SH3PXD2B: variants seen among roughly 807,000 people sequenced by gnomAD.
SH3PXD2B encodes the protein SH3 and PX domains 2B.
A neutral mutation model predicts 73.1 loss-of-function variants in SH3PXD2B; 37 were observed. The ratio of observed to expected loss-of-function variants is 0.51; its 90% confidence interval spans 0.39 to 0.67. SH3PXD2B has a LOEUF of 0.67. Ranked by LOEUF, SH3PXD2B falls within the 30% of genes least tolerant of loss-of-function variation. The pLI is 0.00. For synonymous variants in SH3PXD2B, 457 were observed against 480.5 expected (o/e 0.95, Z 0.64); for missense variants, 1,053 against 1,197.8 (o/e 0.88, Z 1.78).
At chr5:172,351,007 G>A (rs1055439233) in intron 9 of SH3PXD2B, among the ~76,000 whole-genome samples, 4 of 152,230 alleles carry the variant, frequency 2.6e-5, no homozygotes, top group African/African-American at 7.2e-5. Flanking sequence ...TGAGGGCTGG[G>A]TCCAGGGCTC....
At chr5:172,329,639 G>T (rs1201682352), downstream of SH3PXD2B, among the ~76,000 whole-genome samples, 1 of 150,728 alleles carries the variant, frequency 6.6e-6, no homozygotes, top group Non-Finnish European at 1.5e-5. Context: ...CCGGGTTCAA[G>T]CAATTCTCCT....
chr5:172,371,971 A>G (rs573977625), intron 6 of SH3PXD2B, among the ~76,000 whole-genome samples: 27 of 152,282 alleles, frequency 1.8e-4, no homozygotes, highest in African/African-American at 6.0e-4. Context: ...TACCTATTAA[A>G]CTAGAAAGAG....
Position 172,454,397 on chromosome 5 carries a change from C to A in SH3PXD2B, c.-45G>T. Reference sequence around the variant, plus strand: ...GCGGGCCGAGCGCGGGTGCGGGTGGCGCGGGGTGCAGGGAGCGCTGGGGGC... The same window carrying A: ...GCGGGCCGAGCGCGGGTGCGGGTGGAGCGGGGTGCAGGGAGCGCTGGGGGC... On this transcript the variant is annotated 5_prime_UTR_variant, in exon 1 of 13. Coordinates refer to ENST00000311601, the MANE Select transcript of SH3PXD2B (RefSeq NM_001017995.3). 1.5e-6 allele frequency: 2 copies of A among 1,295,750 alleles called. No homozygotes were observed. The highest frequency in any genetic ancestry group is 2.0e-6 in the Non-Finnish European group (2 of 1,015,264). The allele number at this position is 1,295,750 out of a possible 1,614,324, so 80.3% of individuals were successfully genotyped here. A position where few individuals can be genotyped will look rare whatever the true frequency, so the allele number is the denominator to read the frequency against.
At chr5:172,343,799 C>A (rs911949183) in intron 12 of SH3PXD2B, among the ~76,000 whole-genome samples, 1 of 150,566 alleles carries the variant, frequency 6.6e-6, no homozygotes, top group Admixed American at 6.6e-5. Flanking sequence ...AGCAAGATTC[C>A]GTCTCAAAGA....
rs1463264024 is a variant in SH3PXD2B at position 172,338,352 on chromosome 5, G to A, written c.*17C>T. On this transcript the variant is annotated 3_prime_UTR_variant, in exon 13 of 13. Transcript: ENST00000311601. The surrounding 1 kb of genome is among the most constrained non-coding windows in gnomAD (Gnocchi z 5.1). ...CCAGCAAGGACCAGCGGGCCCTCTA[G>A]GCAGAAAGGGAGTCGGCTACGGCTT... is the stretch of plus-strand genomic sequence containing the variant. 6.2e-7 allele frequency: 1 copy of A among 1,613,958 alleles called. No homozygotes were observed. Among genetic ancestry groups the A allele is most frequent in the Admixed American group, 1.7e-5 (1 of 60,020 alleles).
In SH3PXD2B at chr5:172,350,508, A is replaced by C. The variant is rs1757136766; in HGVS notation, c.867T>G (p.Pro289=). 6.2e-7 allele frequency: 1 copy of C among 1,613,908 alleles called. No homozygotes were observed. The highest frequency in any genetic ancestry group is 1.7e-5 in the Admixed American group (1 of 60,004). Residue 289 remains proline (P), a synonymous_variant, in exon 10 of 13, where the codon CCT becomes CCG. Coordinates refer to ENST00000311601, the MANE Select transcript of SH3PXD2B (RefSeq NM_001017995.3). ...GGGCACCCGGGTGGGAGGGTGAGCC[A>C]GGGCCTGGCTTCGGGGGCAAGGGCT... The part of the protein sequence containing the change: ...SGEPLPPKPG[P]GSPSHPGALD...
chr5:172,402,510 C>T (rs939746559), intron 3 of SH3PXD2B, among the ~76,000 whole-genome samples: 15 of 152,182 alleles, frequency 9.9e-5, no homozygotes, highest in Admixed American at 4.6e-4. Flanking sequence ...GCTGGTTTTG[C>T]GGCTTGCAGG....
chr5:172,333,085 G>T (rs914614173), downstream of SH3PXD2B, among the ~76,000 whole-genome samples: 1 of 136,284 alleles, frequency 7.3e-6, no homozygotes, highest in Admixed American at 7.9e-5. Context: ...ACAGGCGCCC[G>T]ACACCACGCC....
rs1323625395 is a variant in SH3PXD2B at position 172,454,162 on chromosome 5, A to G, written c.75+116T>C. 1.7e-5 allele frequency: 12 copies of G among 688,834 alleles called. No homozygotes were observed. In the East Asian group the frequency reaches 1.8e-4, roughly 11 times the overall value. The allele number at this position is 688,834 out of a possible 1,614,324, so 42.7% of individuals were successfully genotyped here. Reference sequence around the variant, plus strand: ...AGCGCCGCCGCAGAGCCGAGGGGAGAGCAGGGGAGGAGGGGACGGGAAGCG... The same window carrying G: ...AGCGCCGCCGCAGAGCCGAGGGGAGGGCAGGGGAGGAGGGGACGGGAAGCG... On this transcript the variant is annotated intron_variant, in intron 1 of 12. Coordinates refer to ENST00000311601, the MANE Select transcript of SH3PXD2B (RefSeq NM_001017995.3).
Position 172,334,334 on chromosome 5 carries a change from C to A in SH3PXD2B, c.*4035G>T. The A allele has an allele frequency of 7.0e-6, 7 of 996,008 alleles. No individual in the cohort carries two copies. The highest frequency in any genetic ancestry group is 1.7e-5 in the African/African-American group (1 of 57,380). 61.7% of individuals were successfully genotyped at this position (996,008 alleles called of 1,614,324 possible). On this transcript the variant is annotated 3_prime_UTR_variant, in exon 13 of 13. Transcript: ENST00000311601. Reference sequence around the variant, plus strand: ...TGCCTGGGACCCTCGTGGAAACTTACTCTAGTTAGGAGCAATTCCTCCAGG... The same window carrying A: ...TGCCTGGGACCCTCGTGGAAACTTAATCTAGTTAGGAGCAATTCCTCCAGG...
intron 3 of SH3PXD2B, among the ~76,000 whole-genome samples, chr5:172,402,032 G>A (rs1357488658): frequency 1.3e-5 from 2 of 152,222 alleles, no homozygotes; most frequent in Admixed American, 1.3e-4. Context: ...CCTGAGAGCT[G>A]GGCGGAACAG....
rs780696291 is a variant in SH3PXD2B, at chr5:172,362,784, G to C, written c.513C>G (p.Ile171Met). The part of the protein sequence containing the change: ...ANYQKQESSE[I>M]SLSVGQVVDI... The stretch of plus-strand genomic sequence containing the variant: ...CCACCACCTGCCCCACGCTGAGGCT[G>C]ATCTCCGAACTCTCCTGCTTCTGGT... The change falls in exon 7 of 13, where the codon ATC becomes ATG. Residue 171 changes from isoleucine to methionine, a missense_variant. This residue lies in a region of SH3PXD2B where 466 missense variants were observed against 607.1 expected (regional missense o/e 0.77). Coordinates refer to ENST00000311601, the MANE Select transcript of SH3PXD2B (RefSeq NM_001017995.3). The C allele has an allele frequency of 6.2e-7, 1 of 1,614,124 alleles. No homozygotes were observed. Among genetic ancestry groups the C allele is most frequent in the Non-Finnish European group, 8.5e-7 (1 of 1,180,026 alleles).
At chr5:172,364,993 A>G (rs771680179) in intron 6 of SH3PXD2B, among the ~76,000 whole-genome samples, 1 of 152,208 alleles carries the variant, frequency 6.6e-6, no homozygotes, top group East Asian at 1.9e-4. Context: ...GTGAAAAAGC[A>G]GAATAGGGCA....
rs367987636 is a variant in SH3PXD2B at position 172,433,641 on chromosome 5, G to C, written c.76-11145C>G. 2.9e-3 allele frequency among the ~76,000 whole-genome samples: 446 copies of C among 152,282 alleles called. 1 individual carries two copies. Among genetic ancestry groups the C allele is most frequent in the African/African-American group, 0.01 (426 of 41,556 alleles). On this transcript the variant is annotated intron_variant, in intron 1 of 12. Transcript: ENST00000311601. ...GATGGCACAGGGATGCCCAGAGTGG[G>C]GGTGGGAGAACACTGGCTCACCGGC...
At chr5:172,388,731 T>C (rs1425086200) in intron 4 of SH3PXD2B, among the ~76,000 whole-genome samples, 1 of 152,204 alleles carries the variant, frequency 6.6e-6, no homozygotes, top group African/African-American at 2.4e-5. Context: ...ATAGGCTGAT[T>C]TGGGCTGAGG....
At chr5:172,433,184 G>A (rs1456489838) in intron 1 of SH3PXD2B, among the ~76,000 whole-genome samples, 5 of 152,154 alleles carry the variant, frequency 3.3e-5, no homozygotes, top group Admixed American at 2.6e-4. Flanking sequence ...CAGTAACACA[G>A]TGTACAGGTT....
chr5:172,389,199 G>A (rs1758122738), intron 4 of SH3PXD2B, among the ~76,000 whole-genome samples: 1 of 151,798 alleles, frequency 6.6e-6, no homozygotes, highest in African/African-American at 2.4e-5. Flanking sequence ...GGGATTACAG[G>A]TGCCGACCAC....
In SH3PXD2B at chr5:172,347,340, G is replaced by C. The variant is rs1181677288; in HGVS notation, c.1013-8C>G. ...GCCTCATCTTTGGTGATCCTATGGA[G>C]AAATGAGAGCTTATTACATCTTGTG... On this transcript the variant is annotated splice_polypyrimidine_tract_variant and splice_region_variant and intron_variant, in intron 10 of 12. Coordinates refer to ENST00000311601, the MANE Select transcript of SH3PXD2B (RefSeq NM_001017995.3). 1 of 1,614,000 alleles carries C rather than the reference G, an allele frequency of 6.2e-7. No homozygotes were observed. Among genetic ancestry groups the C allele is most frequent in the Admixed American group, 1.7e-5 (1 of 60,022 alleles).
At position 172,334,322 on chromosome 5, in the gene SH3PXD2B, C is replaced by T. The variant is rs1275326071; in HGVS notation, c.*4047G>A. 1 of 994,392 alleles carries T rather than the reference C, an allele frequency of 1.0e-6. No individual in the cohort carries two copies. Among genetic ancestry groups the T allele is most frequent in the Non-Finnish European group, 1.2e-6 (1 of 836,852 alleles). 61.6% of individuals were successfully genotyped at this position (994,392 alleles called of 1,614,324 possible). A position where few individuals can be genotyped will look rare whatever the true frequency, so the allele number is the denominator to read the frequency against. ...GCTCTGCAGCTCTGCCTGGGACCCT[C>T]GTGGAAACTTACTCTAGTTAGGAGC... On this transcript the variant is annotated 3_prime_UTR_variant, in exon 13 of 13. Transcript: ENST00000311601.
Sources: allele counts gnomAD v4.1 joint callset (sites outside exome capture counted in the v4.1 genomes callset), GRCh38; gene constraint gnomAD v4.1.1; regional missense constraint gnomAD v4.1.1; non-coding constraint Gnocchi (gnomAD v3.1); transcripts MANE v1.5; gene names NCBI Gene and HGNC (gene_info 2026-07-23, HGNC 2026-07-21).